Variants in KIAA1958 observed in about 807,000 individuals in gnomAD.
KIAA1958 encodes uncharacterized protein KIAA1958.
A neutral mutation model predicts 47.2 loss-of-function variants in KIAA1958; 14 were observed. That is an observed-to-expected ratio of 0.30 (90% CI 0.20 to 0.46). KIAA1958 has a LOEUF of 0.46. KIAA1958 is among the 20% of genes least tolerant of loss of function. The pLI is 1.00. For missense variants in KIAA1958, 803 were observed against 909.2 expected (o/e 0.88, Z 1.50); for synonymous variants, 354 against 353.3 (o/e 1.00, Z -0.02).
chr9:112,610,621 G>A (rs1470081475), intron 2 of KIAA1958, among the ~76,000 whole-genome samples: 1 of 152,208 alleles, frequency 6.6e-6, no homozygotes, highest in African/African-American at 2.4e-5. Flanking sequence ...TCTAGAAACT[G>A]TAAATTAACA....
In KIAA1958 at chr9:112,490,423, T is replaced by G. The variant is rs146863418; in HGVS notation, c.-25+3305T>G. ...GATACTTCTTGACTTTGCTTCTGATTAGTTGATTTATGGACTTTATTTACT... is the reference window on the plus strand; with the variant it reads ...GATACTTCTTGACTTTGCTTCTGATGAGTTGATTTATGGACTTTATTTACT... On this transcript the variant is annotated intron_variant, in intron 1 of 3. Transcript: ENST00000337530. Among the ~76,000 whole-genome samples the G allele has an allele frequency of 6.6e-5, 10 of 152,356 alleles. No individual in the cohort carries two copies. In the East Asian group the frequency reaches 1.9e-3, roughly 29 times the overall value.
At chr9:112,651,326 C>T (rs1837051598) in intron 3 of KIAA1958, among the ~76,000 whole-genome samples, 1 of 151,068 alleles carries the variant, frequency 6.6e-6, no homozygotes, top group African/African-American at 2.4e-5. Flanking sequence ...AATATGTTCT[C>T]TGTCCACAAT....
intron 2 of KIAA1958, among the ~76,000 whole-genome samples, chr9:112,615,469 T>C (rs1836394731): frequency 6.6e-6 from 1 of 150,848 alleles, no homozygotes; most frequent in African/African-American, 2.4e-5. Flanking sequence ...CAGTATTTCA[T>C]GATATGATTT....
chr9:112,531,660 A>G (rs1409300630), intron 1 of KIAA1958, among the ~76,000 whole-genome samples: 1 of 152,236 alleles, frequency 6.6e-6, no homozygotes, highest in East Asian at 1.9e-4. Context: ...TCTTTTGAAG[A>G]CATAGTCCAT....
At chr9:112,593,447 A>G (rs553319420) in intron 2 of KIAA1958, among the ~76,000 whole-genome samples, 1 of 152,354 alleles carries the variant, frequency 6.6e-6, no homozygotes, top group Admixed American at 6.5e-5. Flanking sequence ...CCCACCTTTT[A>G]GGGGGGCTTA....
intron 3 of KIAA1958, 120 bp from the exon 4 acceptor site, chr9:112,659,143 T>C: frequency 1.3e-6 from 1 of 774,620 alleles, no homozygotes; most frequent in Non-Finnish European, 2.1e-6. Flanking sequence ...TTCTTTCCAT[T>C]GTGTCCTGCT....
At chr9:112,540,041 T>C (rs1447470843) in intron 1 of KIAA1958, among the ~76,000 whole-genome samples, 1 of 152,218 alleles carries the variant, frequency 6.6e-6, no homozygotes, top group Non-Finnish European at 1.5e-5. Context: ...GAAGTTGTTA[T>C]TGAAAACAAA....
At chr9:112,649,879 T>C (rs1407491578) in intron 3 of KIAA1958, among the ~76,000 whole-genome samples, 1 of 152,132 alleles carries the variant, frequency 6.6e-6, no homozygotes, top group African/African-American at 2.4e-5. Flanking sequence ...AGGAAAATGA[T>C]ACCACATGGA....
At chr9:112,622,615 G>A (rs1447212798) in intron 2 of KIAA1958, among the ~76,000 whole-genome samples, 1 of 152,052 alleles carries the variant, frequency 6.6e-6, no homozygotes, top group Non-Finnish European at 1.5e-5. Flanking sequence ...CAGCAATTTA[G>A]GATATTTATA....
At chr9:112,536,794 G>T (rs1453329185) in intron 1 of KIAA1958, among the ~76,000 whole-genome samples, 2 of 151,718 alleles carry the variant, frequency 1.3e-5, no homozygotes, top group South Asian at 4.2e-4. Flanking sequence ...AAACAAAACA[G>T]AACAAAAAAC....
chr9:112,487,624 C>T (rs190093908), intron 1 of KIAA1958, among the ~76,000 whole-genome samples: 1 of 152,096 alleles, frequency 6.6e-6, no homozygotes, highest in African/African-American at 2.4e-5. Context: ...CGCCGAGGTG[C>T]GTTTGGGGCG....
chr9:112,575,961 G>C (rs1455783475), intron 2 of KIAA1958, among the ~76,000 whole-genome samples: 1 of 152,088 alleles, frequency 6.6e-6, no homozygotes, highest in Non-Finnish European at 1.5e-5. Flanking sequence ...TATATAAAGG[G>C]GTTGGATCTC....
intron 1 of KIAA1958, among the ~76,000 whole-genome samples, chr9:112,517,389 C>T (rs547263222): frequency 3.9e-4 from 59 of 152,096 alleles, no homozygotes; most frequent in Middle Eastern, 3.4e-3. Flanking sequence ...TTCAATAAAC[C>T]TTTTGCACTT....
At chr9:112,585,862 G>C (rs572849399) in intron 2 of KIAA1958, among the ~76,000 whole-genome samples, 9 of 152,182 alleles carry the variant, frequency 5.9e-5, no homozygotes, top group African/African-American at 9.7e-5. Flanking sequence ...ATATTGTTAA[G>C]TCCTCTATAT....
chr9:112,625,396 C>G (rs1836591459), intron 2 of KIAA1958, among the ~76,000 whole-genome samples: 1 of 152,084 alleles, frequency 6.6e-6, no homozygotes, highest in African/African-American at 2.4e-5. Context: ...TCAAGTGATC[C>G]CCCCACCTCA....
chr9:112,664,151 G>A lies in KIAA1958; in HGVS notation c.*4082G>A, dbSNP rs1484558634. ...CTAGGACACAAAATTCCTAATTCCT[G>A]AAGATAGTTAGTCTCCTAATTAAGT... On this transcript the variant is annotated 3_prime_UTR_variant, in exon 4 of 4. Transcript: ENST00000337530. 6.6e-6 allele frequency: 1 copy of A among 152,220 alleles called. No homozygotes were observed. Among genetic ancestry groups the A allele is most frequent in the Non-Finnish European group, 1.5e-5 (1 of 68,042 alleles). The allele number at this position is 152,220 out of a possible 1,614,324, so 9.4% of individuals were successfully genotyped here.
At chr9:112,590,702 C>G (rs1397830665) in intron 2 of KIAA1958, among the ~76,000 whole-genome samples, 1 of 151,938 alleles carries the variant, frequency 6.6e-6, no homozygotes, top group Non-Finnish European at 1.5e-5. Flanking sequence ...CAGAACATTT[C>G]GGGCAGTAGT....
At chr9:112,549,904 T>C (rs375154642) in intron 1 of KIAA1958, among the ~76,000 whole-genome samples, 12 of 152,194 alleles carry the variant, frequency 7.9e-5, no homozygotes, top group African/African-American at 2.7e-4. Context: ...GCTCACAAAG[T>C]TGATAGTGCT....
At chr9:112,608,583 G>A (rs930203700) in intron 2 of KIAA1958, among the ~76,000 whole-genome samples, 6 of 152,212 alleles carry the variant, frequency 3.9e-5, no homozygotes, top group African/African-American at 1.4e-4. Context: ...GAGCTCAGGA[G>A]TTTGAGACCA....
Sources: gnomAD v4.1 joint callset for allele counts (sites outside exome capture counted in the v4.1 genomes callset) on GRCh38, gnomAD v4.1.1 for gene constraint, MANE v1.5 for transcripts, NCBI Gene and HGNC (gene_info 2026-07-23, HGNC 2026-07-21) for gene names.